KHDRBS2: variants seen among roughly 807,000 people sequenced by gnomAD.
KHDRBS2 encodes KH RNA binding domain containing, signal transduction associated 2.
In KHDRBS2, 26 loss-of-function variants were observed where a neutral mutation model predicts 44.3. The ratio of observed to expected loss-of-function variants is 0.59; its 90% CI spans 0.43 to 0.81. The LOEUF is 0.81. Among genes scored for constraint, KHDRBS2 ranks in the 40% least tolerant of loss-of-function variants. The pLI, the probability that KHDRBS2 is intolerant of heterozygous loss-of-function variation, is 0.00. For missense variants in KHDRBS2, 476 were observed against 433.1 expected, an observed-to-expected ratio of 1.10 and a Z score of -0.88; for synonymous variants, 194 against 151.1, an observed-to-expected ratio of 1.28 and a Z score of -2.08.
intron 1 of KHDRBS2, among the ~76,000 whole-genome samples, chr6:62,249,931 A>G (rs142979526): frequency 1.3e-5 from 2 of 152,218 alleles, no homozygotes; most frequent in East Asian, 3.9e-4. Context: ...GGATGTTCTG[A>G]AGATCCACTA....
At chr6:61,973,810 C>T (rs369036233) in intron 4 of KHDRBS2, among the ~76,000 whole-genome samples, 15 of 152,092 alleles carry the variant, frequency 9.9e-5, no homozygotes, top group Admixed American at 3.3e-4. Context: ...GTCAACTCTG[C>T]TAATATTGTA....
chr6:62,232,583 T>A (rs534461231), intron 1 of KHDRBS2, among the ~76,000 whole-genome samples: 1 of 152,204 alleles, frequency 6.6e-6, no homozygotes, highest in Admixed American at 6.5e-5. Flanking sequence ...TACACACACA[T>A]GCTTATTTAA....
chr6:62,009,684 T>C (rs1430231297), intron 3 of KHDRBS2, among the ~76,000 whole-genome samples: 1 of 152,166 alleles, frequency 6.6e-6, no homozygotes, highest in African/African-American at 2.4e-5. Flanking sequence ...TCCCTGCCAC[T>C]CCAGCTGTGG....
intron 1 of KHDRBS2, among the ~76,000 whole-genome samples, chr6:62,238,067 A>G (rs1378338071): frequency 3.3e-5 from 5 of 152,036 alleles, no homozygotes; most frequent in Admixed American, 1.3e-4. Flanking sequence ...AAAAAAAAAA[A>G]AAAATTGATA....
intron 6 of KHDRBS2, among the ~76,000 whole-genome samples, chr6:61,795,168 A>C (rs1164820232): frequency 6.6e-6 from 1 of 151,404 alleles, no homozygotes; most frequent in African/African-American, 2.4e-5. Context: ...AAAAAAAAAA[A>C]AAGAAAAACA....
At chr6:62,283,460 TC>T in intron 1 of KHDRBS2, among the ~76,000 whole-genome samples, 2 of 152,258 alleles carry the variant, frequency 1.3e-5, no homozygotes, top group East Asian at 3.9e-4. Context: ...TATATTAGCT[TC>T]CGGAAAATCA....
At chr6:62,059,106 C>A (rs1391558082) in intron 2 of KHDRBS2, among the ~76,000 whole-genome samples, 2 of 118,972 alleles carry the variant, frequency 1.7e-5, no homozygotes, top group South Asian at 3.0e-4. Context: ...GTAGTTTAAA[C>A]AAAAAACTAA....
chr6:62,216,018 T>C (rs1405158589), intron 1 of KHDRBS2, among the ~76,000 whole-genome samples: 3 of 151,756 alleles, frequency 2.0e-5, no homozygotes, highest in Admixed American at 6.6e-5. Context: ...TCATAATATA[T>C]AGCTTTTAAT....
At chr6:62,104,872 A>G (rs1231585449) in intron 2 of KHDRBS2, among the ~76,000 whole-genome samples, 3 of 152,144 alleles carry the variant, frequency 2.0e-5, no homozygotes, top group African/African-American at 7.2e-5. Flanking sequence ...AGAGAAGATC[A>G]ATAAAATTTA....
intron 2 of KHDRBS2, among the ~76,000 whole-genome samples, chr6:62,160,933 T>C (rs1395314301): frequency 6.6e-6 from 1 of 152,114 alleles, no homozygotes; most frequent in Non-Finnish European, 1.5e-5. Flanking sequence ...ACTCTTTTTA[T>C]CCTTGAAACT....
chr6:61,797,138 T>A (rs1272763528), intron 6 of KHDRBS2, among the ~76,000 whole-genome samples: 1 of 152,128 alleles, frequency 6.6e-6, no homozygotes, highest in East Asian at 1.9e-4. Flanking sequence ...GGAACCTAGC[T>A]GAACATATAT....
intron 4 of KHDRBS2, among the ~76,000 whole-genome samples, chr6:61,928,517 C>T (rs1483553277): frequency 2.0e-5 from 3 of 151,936 alleles, no homozygotes; most frequent in Non-Finnish European, 2.9e-5. Context: ...CTAAATTATT[C>T]ATATTGTTAT....
chr6:61,868,019 G>A (rs1023039257), intron 6 of KHDRBS2, among the ~76,000 whole-genome samples: 1 of 152,186 alleles, frequency 6.6e-6, no homozygotes, highest in Non-Finnish European at 1.5e-5. Context: ...GCCCTGATCA[G>A]CTTGGACTCT....
intron 6 of KHDRBS2, among the ~76,000 whole-genome samples, chr6:61,826,630 A>G (rs1790910743): frequency 6.6e-6 from 1 of 152,082 alleles, no homozygotes; most frequent in Non-Finnish European, 1.5e-5. Context: ...AACCTGCCCC[A>G]TACAGGTAGT....
chr6:61,673,189 C>G, the KHDRBS2 span, among the ~76,000 whole-genome samples: 3 of 151,964 alleles, frequency 2.0e-5, no homozygotes, highest in Non-Finnish European at 4.4e-5. Context: ...GGGCTCTGTT[C>G]TGTTCTATTG....
chr6:62,058,807 T>C (rs896422628), intron 2 of KHDRBS2, among the ~76,000 whole-genome samples: 1 of 151,682 alleles, frequency 6.6e-6, no homozygotes, highest in South Asian at 2.1e-4. Flanking sequence ...AAATAGACAA[T>C]GATGAGTATT....
chr6:62,247,077 T>C lies in KHDRBS2; in HGVS notation c.91+38781A>G, dbSNP rs1835700178. ...AAGGGAAGCAGATTTCCTCTTAAAG[T>C]ATAGAGAAATAGTAACTCTTTGGTC... On this transcript the variant is annotated intron_variant, in intron 1 of 8. Transcript: ENST00000281156. Among the ~76,000 whole-genome samples the C allele has an allele frequency of 5.3e-5, 8 of 152,048 alleles. No individual in the cohort carries two copies. In the South Asian group the frequency reaches 1.7e-3, roughly 32 times the overall value.
In KHDRBS2 at chr6:61,785,178, C is replaced by A. The variant is rs549059384; in HGVS notation, c.811-52414G>T. Reference sequence around the variant, plus strand: ...AAAACAAACAAACAAACAACAACAACAAAAAAAAACAGACAATCAAAGAAA... The same window carrying A: ...AAAACAAACAAACAAACAACAACAAAAAAAAAAAACAGACAATCAAAGAAA... On this transcript the variant is annotated intron_variant, in intron 6 of 8. Transcript: ENST00000281156. Among the ~76,000 whole-genome samples, 241 of 148,336 alleles carry A rather than the reference C, an allele frequency of 1.6e-3. 1 individual carries two copies. Among genetic ancestry groups the A allele is most frequent in the East Asian group, 7.1e-3 (36 of 5,058 alleles).
the KHDRBS2 span, among the ~76,000 whole-genome samples, chr6:61,583,498 A>G: frequency 6.6e-6 from 1 of 151,732 alleles, no homozygotes; most frequent in African/African-American, 2.4e-5. Flanking sequence ...TCAATGAATT[A>G]CTTTGACATC....
Sources: allele counts gnomAD v4.1 joint callset (sites outside exome capture counted in the v4.1 genomes callset), GRCh38; gene constraint gnomAD v4.1.1; transcripts MANE v1.5; gene names NCBI Gene and HGNC (gene_info 2026-07-23, HGNC 2026-07-21).